TRIM36: variants seen among roughly 807,000 people sequenced by gnomAD.
TRIM36 encodes the protein E3 ubiquitin-protein ligase TRIM36.
Under a neutral mutation model 72.4 loss-of-function variants are expected in TRIM36, and 42 were observed. The ratio of observed to expected loss-of-function variants is 0.58; its 90% CI spans 0.45 to 0.75. The LOEUF (loss-of-function observed/expected upper bound fraction) is 0.75. Ranked by LOEUF, TRIM36 falls within the 30% of genes least tolerant of loss-of-function variation. TRIM36 has a pLI of 0.00. For synonymous variants in TRIM36, 315 were observed against 282.8 expected, an observed-to-expected ratio of 1.11 and a Z score of -1.14; for missense variants, 913 against 857.1, an observed-to-expected ratio of 1.07 and a Z score of -0.81.
chr5:115,151,509 T>C (rs1409847842), intron 2 of TRIM36, among the ~76,000 whole-genome samples: 1 of 152,142 alleles, frequency 6.6e-6, no homozygotes, highest in Non-Finnish European at 1.5e-5. Context: ...CCACTGCCTG[T>C]TCCTCCCCCT....
intron 2 of TRIM36, 95 bp from the exon 3 acceptor site, chr5:115,147,489 T>C: frequency 1.5e-6 from 2 of 1,362,434 alleles, no homozygotes; most frequent in Non-Finnish European, 2.0e-6. Flanking sequence ...TATCTACAAA[T>C]GTATCACAAA....
intron 1 of TRIM36, among the ~76,000 whole-genome samples, chr5:115,179,221 G>A (rs1222705233): frequency 6.6e-6 from 1 of 152,318 alleles, no homozygotes; most frequent in African/African-American, 2.4e-5. Context: ...CTCGGATGCA[G>A]CGCGGAGCCC....
intron 1 of TRIM36, among the ~76,000 whole-genome samples, chr5:115,164,052 T>A (rs1269293987): frequency 1.3e-5 from 2 of 152,184 alleles, no homozygotes; most frequent in Admixed American, 1.3e-4. Context: ...CGAATCTCCA[T>A]CACCAGTGCA....
chr5:115,131,262 G>C (rs899920309), intron 8 of TRIM36, among the ~76,000 whole-genome samples: 4 of 151,914 alleles, frequency 2.6e-5, no homozygotes, highest in African/African-American at 9.7e-5. Flanking sequence ...TTCATAAATA[G>C]TTCTACATTT....
At chr5:115,133,345 T>C (rs906623863) in intron 8 of TRIM36, among the ~76,000 whole-genome samples, 2 of 152,184 alleles carry the variant, frequency 1.3e-5, no homozygotes, top group African/African-American at 4.8e-5. Context: ...AAGGAGCTTT[T>C]AGCGTGGGAG....
At chr5:115,177,536 G>T in intron 1 of TRIM36, 1 of 1,370,324 alleles carries the variant, frequency 7.3e-7, no homozygotes, top group Non-Finnish European at 9.4e-7. Flanking sequence ...AGTCTCAAAG[G>T]TCTGCTATTC....
chr5:115,170,314 C>T (rs1003944056), upstream of TRIM36, among the ~76,000 whole-genome samples: 5 of 152,354 alleles, frequency 3.3e-5, no homozygotes, highest in Middle Eastern at 3.4e-3. Flanking sequence ...GCCCCTGGCC[C>T]TGCGCTGCCA....
At chr5:115,128,423 G>C (rs917592820) in intron 9 of TRIM36, among the ~76,000 whole-genome samples, 5 of 151,636 alleles carry the variant, frequency 3.3e-5, no homozygotes, top group Admixed American at 6.6e-5. Context: ...TTTAAGCTAA[G>C]TGTTCCTACA....
Position 115,147,293 on chromosome 5 carries a change from G to A in TRIM36, c.364C>T (p.Arg122Ter), listed in dbSNP as rs200920925. 9.3e-6 allele frequency: 15 copies of A among 1,614,100 alleles called. No homozygotes were observed. Among genetic ancestry groups the A allele is most frequent in the African/African-American group, 1.3e-5 (1 of 75,004 alleles). Reference sequence around the variant, plus strand: ...ACAATAGTTTCCAAAGTGAAGTTTCGAAACAGACCATTGATTCCTCGTTCT... The same window carrying A: ...ACAATAGTTTCCAAAGTGAAGTTTCAAAACAGACCATTGATTCCTCGTTCT... The part of the protein sequence containing the change: ...LGERGINGLF[R>*]NFTLETIVER... The change falls in exon 3 of 10, where the codon CGA becomes TGA. Residue 122 changes from arginine (R) to a stop codon, truncating the protein, a stop_gained. Transcript: ENST00000513154. LOFTEE classifies it high-confidence loss of function.
At chr5:115,157,700 T>C (rs370949927) in intron 2 of TRIM36, among the ~76,000 whole-genome samples, 2 of 152,308 alleles carry the variant, frequency 1.3e-5, no homozygotes, top group East Asian at 3.9e-4. Flanking sequence ...CAAGTAGCAG[T>C]TGCAAAAACG....
chr5:115,165,684 C>T (rs918511140), intron 1 of TRIM36, among the ~76,000 whole-genome samples: 2 of 152,202 alleles, frequency 1.3e-5, no homozygotes, highest in African/African-American at 4.8e-5. Context: ...GACCCAGGAA[C>T]AGGCAGGAGC....
intron 1 of TRIM36, among the ~76,000 whole-genome samples, chr5:115,176,299 C>A (rs1486497108): frequency 6.6e-6 from 1 of 152,052 alleles, no homozygotes; most frequent in Non-Finnish European, 1.5e-5. Flanking sequence ...TTTTATTAGT[C>A]TAGATTTGAG....
At chr5:115,145,483 A>G (rs1226389192) in intron 3 of TRIM36, among the ~76,000 whole-genome samples, 5 of 152,208 alleles carry the variant, frequency 3.3e-5, no homozygotes, top group African/African-American at 4.8e-5. Context: ...TTAGATTTTA[A>G]GCAATTGTAA....
chr5:115,141,627 A>G (rs1172286879), intron 4 of TRIM36, among the ~76,000 whole-genome samples: 1 of 152,226 alleles, frequency 6.6e-6, no homozygotes, highest in African/African-American at 2.4e-5. Flanking sequence ...AAATTAGTCA[A>G]AACTTCTGAA....
intron 1 of TRIM36, among the ~76,000 whole-genome samples, chr5:115,179,665 G>A (rs1225404421): frequency 6.6e-6 from 1 of 152,220 alleles, no homozygotes; most frequent in African/African-American, 2.4e-5. Context: ...CCAACGCCCC[G>A]CCCTCCTCTC....
intron 2 of TRIM36, among the ~76,000 whole-genome samples, chr5:115,162,934 G>T (rs1256061720): frequency 6.6e-6 from 1 of 151,224 alleles, no homozygotes; most frequent in East Asian, 1.9e-4. Flanking sequence ...TGCACAGTCA[G>T]AATAATTCCT....
chr5:115,127,140 G>A (rs751889372), intron 9 of TRIM36, among the ~76,000 whole-genome samples: 9 of 152,264 alleles, frequency 5.9e-5, no homozygotes, highest in South Asian at 2.1e-4. Context: ...GTGAGGGAGC[G>A]GGCAGTGATA....
chr5:115,137,593 T>C lies in TRIM36; in HGVS notation c.855A>G (p.Glu285=). The C allele has an allele frequency of 6.2e-7, 1 of 1,610,666 alleles. No homozygotes were observed. Among genetic ancestry groups the C allele is most frequent in the Non-Finnish European group, 8.5e-7 (1 of 1,178,780 alleles). The change falls in exon 6 of 10, where the codon GAA becomes GAG. Residue 285 remains glutamate (E), a synonymous_variant. Coordinates refer to ENST00000513154, the MANE Select transcript of TRIM36 (RefSeq NM_001300759.2). Reference sequence around the variant, plus strand: ...GCTTTTCAAAATGTGTAATTGCTTCTTCTTTAGCCCTCTCTCCATTACACT... The same window carrying C: ...GCTTTTCAAAATGTGTAATTGCTTCCTCTTTAGCCCTCTCTCCATTACACT... The part of the protein sequence containing the change: ...ETECNGERAK[E]EAITHFEKLF...
chr5:115,151,407 G>A (rs1453626452), intron 2 of TRIM36, among the ~76,000 whole-genome samples: 3 of 151,964 alleles, frequency 2.0e-5, no homozygotes, highest in African/African-American at 4.8e-5. Flanking sequence ...GCTCAGACAC[G>A]CCTCGCCCTG....
Sources: allele counts gnomAD v4.1 joint callset (sites outside exome capture counted in the v4.1 genomes callset), GRCh38; gene constraint gnomAD v4.1.1; transcripts MANE v1.5; gene names NCBI Gene and HGNC (gene_info 2026-07-23, HGNC 2026-07-21).